TACC1: variants seen among roughly 807,000 people sequenced by gnomAD.
TACC1 encodes transforming acidic coiled-coil-containing protein 1.
A neutral mutation model predicts 84.4 loss-of-function variants in TACC1; 48 were observed. The observed-to-expected ratio is 0.57, with a 90% CI of 0.45 to 0.72. The LOEUF is 0.72. Among genes scored for constraint, TACC1 ranks in the 30% least tolerant of loss-of-function variants. The pLI, the probability that TACC1 is intolerant of heterozygous loss-of-function variation, is 0.00. For missense variants in TACC1, 920 were observed against 973.0 expected, an observed-to-expected ratio of 0.95 and a Z score of 0.72; for synonymous variants, 372 against 376.3, an observed-to-expected ratio of 0.99 and a Z score of 0.13.
At chr8:38,730,209 T>C (rs754913796) in intron 1 of TACC1, among the ~76,000 whole-genome samples, 2 of 152,190 alleles carry the variant, frequency 1.3e-5, no homozygotes, top group Non-Finnish European at 2.9e-5. Flanking sequence ...TCCGCCTCCT[T>C]GAATGATCGC....
chr8:38,845,707 A>G (rs1832098512), intron 11 of TACC1, among the ~76,000 whole-genome samples: 1 of 152,244 alleles, frequency 6.6e-6, no homozygotes, highest in South Asian at 2.1e-4. Flanking sequence ...CTGTGAATAC[A>G]TAACTGAAAG....
chr8:38,789,039 T>A (rs537804072), intron 2 of TACC1, among the ~76,000 whole-genome samples: 1 of 152,206 alleles, frequency 6.6e-6, no homozygotes, highest in African/African-American at 2.4e-5. Context: ...ATTATCATTA[T>A]CAAACATTCC....
chr8:38,792,539 C>T (rs1818921780), intron 2 of TACC1, among the ~76,000 whole-genome samples: 1 of 152,048 alleles, frequency 6.6e-6, no homozygotes, highest in South Asian at 2.1e-4. Context: ...GATCTCGGCT[C>T]ACTGCAAGCT....
chr8:38,758,415 C>A (rs1055762441), intron 3 of TACC1, among the ~76,000 whole-genome samples: 1 of 152,154 alleles, frequency 6.6e-6, no homozygotes, highest in Non-Finnish European at 1.5e-5. Context: ...GGTTGGCTCA[C>A]GCCTGTAATC....
chr8:38,852,110 G>A lies in TACC1; in HGVS notation c.*4087G>A. 1 of 328,362 alleles carries A rather than the reference G, an allele frequency of 3.0e-6. No homozygotes were observed. The highest frequency in any genetic ancestry group is 6.2e-6 in the Non-Finnish European group (1 of 160,018). The allele number at this position is 328,362 out of a possible 1,614,324, so 20.3% of individuals were successfully genotyped here. A position where few individuals can be genotyped will look rare whatever the true frequency, so the allele number is the denominator to read the frequency against. On this transcript the variant is annotated 3_prime_UTR_variant, in exon 13 of 13. Coordinates refer to ENST00000317827, the MANE Select transcript of TACC1 (RefSeq NM_006283.3). The stretch of plus-strand genomic sequence containing the variant: ...GGAAGACCCATCCCCTAGTGCCAGA[G>A]CTTGCATCCTGGAGACTAAAGATTG...
chr8:38,836,382 C>T (rs746687361), intron 7 of TACC1, 95 bp downstream of exon 7: 5 of 1,530,444 alleles, frequency 3.3e-6, no homozygotes, highest in Non-Finnish European at 4.4e-6. Flanking sequence ...CTCAAGTTAT[C>T]ACAGGCTGGA....
At chr8:38,808,595 T>C (rs1823311600) in intron 2 of TACC1, among the ~76,000 whole-genome samples, 1 of 152,204 alleles carries the variant, frequency 6.6e-6, no homozygotes, top group South Asian at 2.1e-4. Flanking sequence ...TTTTATTTTT[T>C]GTAGAGATGG....
intron 3 of TACC1, chr8:38,757,346 A>G: frequency 1.6e-6 from 2 of 1,264,940 alleles, no homozygotes; most frequent in East Asian, 6.9e-5. Context: ...GGAGGCTCCC[A>G]CTCTCAGACC....
In TACC1 at chr8:38,776,891, G is replaced by A. The variant is rs188549646; in HGVS notation, c.27-11813G>A. ...GCTTAGATGCTGAAATCCCCCAGAG[G>A]AGGTTGTAATGTGAGGGTGGAGATG... On this transcript the variant is annotated intron_variant, in intron 3 of 14. Coordinates refer to the TACC1 transcript ENST00000518415. 2.0e-5 allele frequency among the ~76,000 whole-genome samples: 3 copies of A among 152,280 alleles called. No individual in the cohort carries two copies. The East Asian group carries it at 5.8e-4, about 29-fold the overall frequency.
chr8:38,728,601 C>G (rs1804286142), upstream of TACC1: 1 of 152,250 alleles, frequency 6.6e-6, no homozygotes, highest in African/African-American at 2.4e-5. Context: ...GCGAAATCAG[C>G]GGTAGCAGGT....
chr8:38,751,478 C>T (rs752808449), intron 3 of TACC1, among the ~76,000 whole-genome samples: 2 of 152,100 alleles, frequency 1.3e-5, no homozygotes, highest in Admixed American at 6.6e-5. Flanking sequence ...AAGCACTGCT[C>T]GTTTTATTGC....
At chr8:38,729,793 C>T (rs924350147) in intron 1 of TACC1, among the ~76,000 whole-genome samples, 15 of 152,038 alleles carry the variant, frequency 9.9e-5, no homozygotes, top group Admixed American at 5.9e-4. Context: ...TACTTGAACC[C>T]GGGAGGTGGA....
At position 38,819,697 on chromosome 8, in the gene TACC1, AT is replaced by A. The variant is rs1826217957; in HGVS notation, c.457del (p.Ser153GlnfsTer2). ...DFSKISIVRP[F>X]SIETKDSTDI... ...TTAGCAAAATTTCCATCGTGAGGCC[AT>A]TTTCAATAGAAACGAAGGATTCCAC... On this transcript the variant is annotated frameshift_variant, in exon 3 of 13. Coordinates refer to ENST00000317827, the MANE Select transcript of TACC1 (RefSeq NM_006283.3). LOFTEE classifies it high-confidence loss of function. The A allele has an allele frequency of 6.2e-7, 1 of 1,614,094 alleles. No individual in the cohort carries two copies. Among genetic ancestry groups the A allele is most frequent in the Non-Finnish European group, 8.5e-7 (1 of 1,180,050 alleles).
upstream of TACC1, among the ~76,000 whole-genome samples, chr8:38,783,664 G>T (rs910132859): frequency 6.6e-6 from 1 of 152,042 alleles, no homozygotes; most frequent in Non-Finnish European, 1.5e-5. Flanking sequence ...TAAGTGATCT[G>T]CCTGCCTTGG....
chr8:38,829,762 A>G (rs922108340), intron 5 of TACC1, among the ~76,000 whole-genome samples: 1 of 152,178 alleles, frequency 6.6e-6, no homozygotes, highest in African/African-American at 2.4e-5. Context: ...GCTGTCTTCA[A>G]AGTTAGCAAA....
At position 38,852,106 on chromosome 8, in the gene TACC1, C is replaced by T. The variant is rs1024308396; in HGVS notation, c.*4083C>T. 7 of 333,036 alleles carry T rather than the reference C, an allele frequency of 2.1e-5. No homozygotes were observed. Among genetic ancestry groups the T allele is most frequent in the Admixed American group, 1.9e-4 (5 of 26,500 alleles). 20.6% of individuals were successfully genotyped at this position (333,036 alleles called of 1,614,324 possible). On this transcript the variant is annotated 3_prime_UTR_variant, in exon 13 of 13. Coordinates refer to ENST00000317827, the MANE Select transcript of TACC1 (RefSeq NM_006283.3). ...CCAGGGAAGACCCATCCCCTAGTGC[C>T]AGAGCTTGCATCCTGGAGACTAAAG...
chr8:38,746,595 A>G (rs1174688251), intron 3 of TACC1, among the ~76,000 whole-genome samples: 2 of 152,098 alleles, frequency 1.3e-5, no homozygotes, highest in Non-Finnish European at 2.9e-5. Context: ...TCTGTTACTC[A>G]TTTTGAGTAA....
chr8:38,796,245 T>C (rs1174607121), intron 2 of TACC1, among the ~76,000 whole-genome samples: 1 of 152,244 alleles, frequency 6.6e-6, no homozygotes, highest in Non-Finnish European at 1.5e-5. Flanking sequence ...CTGCTAGTAG[T>C]GGACCTGGGT....
At chr8:38,734,493 C>T (rs1442022438) in intron 1 of TACC1, among the ~76,000 whole-genome samples, 7 of 152,100 alleles carry the variant, frequency 4.6e-5, no homozygotes, top group African/African-American at 1.7e-4. Context: ...ACACGCCTGG[C>T]CATAAGCCTG....
Sources: gnomAD v4.1 joint callset for allele counts (sites outside exome capture counted in the v4.1 genomes callset) on GRCh38, gnomAD v4.1.1 for gene constraint, MANE v1.5 for transcripts, NCBI Gene and HGNC (gene_info 2026-07-23, HGNC 2026-07-21) for gene names.